The following SLC2A9 variants were observed in gnomAD, a reference collection of about 807,000 sequenced individuals.
SLC2A9 encodes the protein solute carrier family 2 member 9.
SLC2A9 carries 39 observed loss-of-function variants against 50.6 expected under a neutral mutation model. The observed-to-expected ratio is 0.77, with a 90% CI of 0.60 to 1.01. The LOEUF (loss-of-function observed/expected upper bound fraction) is 1.01, where lower values mean the gene tolerates loss of function less well. SLC2A9 is among the 50% of genes least tolerant of loss of function. The pLI is 0.00. For synonymous variants in SLC2A9, 324 were observed against 276.9 expected, an observed-to-expected ratio of 1.17 and a Z score of -1.69; for missense variants, 686 against 677.6, an observed-to-expected ratio of 1.01 and a Z score of -0.14.
rs189217180 is a variant in SLC2A9, at chr4:9,992,414, T to A, written c.410+4367A>T. Among the ~76,000 whole-genome samples the A allele has an allele frequency of 6.6e-5, 10 of 152,354 alleles. No homozygotes were observed. In the East Asian group the frequency reaches 1.9e-3, roughly 29 times the overall value. ...GTGCATTGTAGGATATTTAGAGGCA[T>A]CCCTGGCTTCTCCTAGATGCTAGTA... On this transcript the variant is annotated intron_variant, in intron 3 of 11. Transcript: ENST00000264784.
chr4:9,978,374 A>T (rs1034064057), intron 5 of SLC2A9, among the ~76,000 whole-genome samples: 1 of 152,232 alleles, frequency 6.6e-6, no homozygotes, highest in Non-Finnish European at 1.5e-5. Flanking sequence ...CTTGATATTG[A>T]TTTATAAACA....
At chr4:9,967,743 C>T (rs1428537690) in intron 5 of SLC2A9, among the ~76,000 whole-genome samples, 1 of 151,672 alleles carries the variant, frequency 6.6e-6, no homozygotes. Context: ...AAGAAAATAA[C>T]TTTACATTAA....
chr4:9,885,498 C>G (rs979366346), intron 10 of SLC2A9, among the ~76,000 whole-genome samples: 1 of 152,234 alleles, frequency 6.6e-6, no homozygotes, highest in Non-Finnish European at 1.5e-5. Flanking sequence ...CACTTCTTCT[C>G]TCCTCCAAGG....
At chr4:10,037,043 C>G (rs1454465970) in intron 1 of SLC2A9, among the ~76,000 whole-genome samples, 3 of 152,206 alleles carry the variant, frequency 2.0e-5, no homozygotes, top group Admixed American at 2.0e-4. Context: ...TTTATTTAGT[C>G]ATTCAATGCT....
chr4:9,998,877 A>T (rs7678287), intron 2 of SLC2A9, among the ~76,000 whole-genome samples: 1 of 152,052 alleles, frequency 6.6e-6, no homozygotes, highest in Non-Finnish European at 1.5e-5. Flanking sequence ...AAATAACACC[A>T]ACCAAAAGCA....
At chr4:9,830,637 C>T (rs1466295857) in intron 11 of SLC2A9, among the ~76,000 whole-genome samples, 1 of 152,210 alleles carries the variant, frequency 6.6e-6, no homozygotes, top group Non-Finnish European at 1.5e-5. Context: ...GAATAATTTG[C>T]TCTTTTCCAG....
intron 3 of SLC2A9, among the ~76,000 whole-genome samples, chr4:9,818,088 C>T (rs1723875200): frequency 6.6e-6 from 1 of 152,180 alleles, no homozygotes; most frequent in Admixed American, 6.5e-5. Flanking sequence ...TTGTCGGAGG[C>T]CCAGCATCTT....
chr4:9,910,246 A>T (rs1328966305), intron 7 of SLC2A9, among the ~76,000 whole-genome samples: 2 of 152,248 alleles, frequency 1.3e-5, no homozygotes, highest in African/African-American at 4.8e-5. Context: ...GTTAGACTCC[A>T]TCGTTAGCCT....
intron 10 of SLC2A9, among the ~76,000 whole-genome samples, chr4:9,836,457 C>A (rs1355919983): frequency 1.3e-5 from 2 of 151,930 alleles, no homozygotes; most frequent in Admixed American, 6.6e-5. Context: ...GGATTGAAGA[C>A]GGGAAGGTGG....
At chr4:10,029,967 C>T (rs1763886861) in intron 1 of SLC2A9, among the ~76,000 whole-genome samples, 1 of 152,002 alleles carries the variant, frequency 6.6e-6, no homozygotes, top group South Asian at 2.1e-4. Context: ...GCTCCTTGGG[C>T]TGTTGCAAGG....
intron 2 of SLC2A9, among the ~76,000 whole-genome samples, chr4:10,014,914 A>G (rs770907517): frequency 6.8e-4 from 104 of 152,350 alleles, no homozygotes; most frequent in African/African-American, 2.4e-3. Flanking sequence ...CAGAGCAGGA[A>G]GAGGTTACAT....
chr4:9,911,264 C>T (rs1209210578), intron 7 of SLC2A9, among the ~76,000 whole-genome samples: 1 of 152,126 alleles, frequency 6.6e-6, no homozygotes, highest in Non-Finnish European at 1.5e-5. Flanking sequence ...AGGGGTCCTG[C>T]CGGGCTGGCC....
At chr4:9,798,871 G>T (rs1321416399), downstream of SLC2A9, 1 of 152,184 alleles carries the variant, frequency 6.6e-6, no homozygotes, top group African/African-American at 2.4e-5. Context: ...AGAAGATGGG[G>T]AAACTAATAC....
chr4:9,980,996 G>C (rs1473072641), intron 4 of SLC2A9, among the ~76,000 whole-genome samples: 2 of 152,288 alleles, frequency 1.3e-5, no homozygotes, highest in East Asian at 3.9e-4. Context: ...TATTGATGGT[G>C]ATAATGACGG....
chr4:10,001,118 C>T (rs1759716838), intron 2 of SLC2A9, among the ~76,000 whole-genome samples: 1 of 152,074 alleles, frequency 6.6e-6, no homozygotes, highest in Non-Finnish European at 1.5e-5. Context: ...GACTGGTGTC[C>T]TTTATAGAAA....
intron 8 of SLC2A9, among the ~76,000 whole-genome samples, chr4:9,904,744 C>T (rs1740309500): frequency 6.6e-6 from 1 of 152,194 alleles, no homozygotes; most frequent in African/African-American, 2.4e-5. Context: ...TCAGAGTAGC[C>T]TCATCCTAAA....
rs1247476807 is a variant in SLC2A9 at position 9,826,355 on chromosome 4, C to A, written c.*42G>T. On this transcript the variant is annotated 3_prime_UTR_variant, in exon 12 of 12. Transcript: ENST00000264784. ...AAGTGAGATCATCCATGTAGACAATCCTGTTTTTGACATAATTGTCCAACG... is the reference window on the plus strand; with the variant it reads ...AAGTGAGATCATCCATGTAGACAATACTGTTTTTGACATAATTGTCCAACG... 1.3e-6 allele frequency: 2 copies of A among 1,589,838 alleles called. No individual in the cohort carries two copies. The highest frequency in any genetic ancestry group is 1.1e-5 in the South Asian group (1 of 90,540).
At chr4:10,010,260 G>T (rs1046554218) in intron 2 of SLC2A9, among the ~76,000 whole-genome samples, 2 of 152,212 alleles carry the variant, frequency 1.3e-5, no homozygotes, top group African/African-American at 2.4e-5. Flanking sequence ...CACTCTGTGG[G>T]AGGAGAGAGA....
chr4:9,799,528 C>T (rs1721041249), intron 3 of SLC2A9, among the ~76,000 whole-genome samples: 1 of 152,088 alleles, frequency 6.6e-6, no homozygotes, highest in Non-Finnish European at 1.5e-5. Flanking sequence ...AAGGCACCAC[C>T]TCTTAAAACT....
Sources: gnomAD v4.1 joint callset for allele counts (sites outside exome capture counted in the v4.1 genomes callset) on GRCh38, gnomAD v4.1.1 for gene constraint, MANE v1.5 for transcripts, NCBI Gene and HGNC (gene_info 2026-07-23, HGNC 2026-07-21) for gene names.